LRBA: variants seen among roughly 807,000 people sequenced by gnomAD.
The protein encoded by LRBA is LPS responsive beige-like anchor protein.
In LRBA, 176 loss-of-function variants were observed where a neutral mutation model predicts 330.0. The ratio of observed to expected loss-of-function variants is 0.53; its 90% CI spans 0.47 to 0.60. LRBA has a LOEUF of 0.60. LRBA is among the 20% of genes least tolerant of loss of function. The pLI, the probability that LRBA is intolerant of heterozygous loss-of-function variation, is 0.00. For missense variants in LRBA, 3,259 were observed against 3,444.8 expected (o/e 0.95, Z 1.35); for synonymous variants, 1,230 against 1,193.0 (o/e 1.03, Z -0.64).
At chr4:150,512,629 AC>A (rs1206563940) in intron 40 of LRBA, among the ~76,000 whole-genome samples, 1 of 151,674 alleles carries the variant, frequency 6.6e-6, no homozygotes, top group African/African-American at 2.4e-5. Flanking sequence ...AGCCTCCAGA[AC>A]TGTGAGAAAT....
Position 150,921,287 on chromosome 4 carries a change from G to C in LRBA, c.556C>G (p.His186Asp). ...AACACAGACAGCAACTTCCCAGCAT[G>C]TGGAGGCTATGAAGATAATTAACAA... ...LQGDKGRWPP[H>D]AGKLLSVLKH... The change falls in exon 5 of 57, where the codon CAT (histidine) becomes GAT (aspartate). Residue 186 changes from histidine (H) to aspartate (D), a missense_variant. Coordinates refer to ENST00000651943, the MANE Select transcript of LRBA (RefSeq NM_001364905.1). 6.3e-7 allele frequency: 1 copy of C among 1,598,164 alleles called. No individual in the cohort carries two copies. The highest frequency in any genetic ancestry group is 1.1e-5 in the South Asian group (1 of 90,726).
At chr4:150,575,553 C>T (rs1023133198) in intron 40 of LRBA, among the ~76,000 whole-genome samples, 1 of 151,844 alleles carries the variant, frequency 6.6e-6, no homozygotes, top group East Asian at 1.9e-4. Flanking sequence ...CCTACCCATA[C>T]GATATGCTTA....
At chr4:150,327,000 A>T (rs1380024424) in intron 48 of LRBA, among the ~76,000 whole-genome samples, 1 of 152,212 alleles carries the variant, frequency 6.6e-6, no homozygotes, top group East Asian at 1.9e-4. Flanking sequence ...AAACATCAAG[A>T]ACAAGCTTGA....
intron 34 of LRBA, among the ~76,000 whole-genome samples, chr4:150,765,453 C>A (rs1037447320): frequency 6.6e-6 from 1 of 152,224 alleles, no homozygotes; most frequent in African/African-American, 2.4e-5. Flanking sequence ...TTATAACACA[C>A]ATGCCAGTCT....
Position 150,743,722 on chromosome 4 carries a change from G to A in LRBA, c.5646-8356C>T, listed in dbSNP as rs77310642. The stretch of plus-strand genomic sequence containing the variant: ...TGACCAGTTGTGAAAAAGACCATGT[G>A]TACTGCAAGGCCTAAAGAACTATCT... On this transcript the variant is annotated intron_variant, in intron 35 of 56. Transcript: ENST00000651943. Among the ~76,000 whole-genome samples the A allele has an allele frequency of 4.6e-3, 697 of 152,246 alleles. 6 individuals carry two copies. The highest frequency in any genetic ancestry group is 0.016 in the African/African-American group (666 of 41,542).
chr4:150,328,798 G>T (rs1470347275), intron 48 of LRBA, among the ~76,000 whole-genome samples: 2 of 152,236 alleles, frequency 1.3e-5, no homozygotes, highest in Admixed American at 1.3e-4. Context: ...ATAGGATGAG[G>T]GTTTTGAAGA....
intron 35 of LRBA, among the ~76,000 whole-genome samples, chr4:150,752,426 T>C (rs1733683297): frequency 6.6e-6 from 1 of 152,052 alleles, no homozygotes; most frequent in Non-Finnish European, 1.5e-5. Flanking sequence ...AGAATACACA[T>C]GCCTGGAACC....
intron 2 of LRBA, among the ~76,000 whole-genome samples, chr4:150,960,744 TAC>T (rs1738049498): frequency 6.7e-6 from 1 of 149,178 alleles, no homozygotes; most frequent in African/African-American, 2.6e-5. Flanking sequence ...TTTCAATAGT[TAC>T]AGTTTTACAA....
chr4:150,934,053 C>A (rs1734800974), intron 2 of LRBA, among the ~76,000 whole-genome samples: 1 of 151,756 alleles, frequency 6.6e-6, no homozygotes, highest in Admixed American at 6.6e-5. Flanking sequence ...CACAAAACAC[C>A]ACTGATGTGA....
Position 150,883,225 on chromosome 4 carries a change from C to A in LRBA, c.2165+9827G>T, listed in dbSNP as rs566725027. Among the ~76,000 whole-genome samples, 10 of 152,178 alleles carry A rather than the reference C, an allele frequency of 6.6e-5. No homozygotes were observed. In the East Asian group the frequency reaches 1.9e-3, roughly 29 times the overall value. ...CATGTAATCCCAGCACTTTGGGAGG[C>A]CAAGATGGGCAGATCACTTGAGGTC... On this transcript the variant is annotated intron_variant, in intron 17 of 56. Coordinates refer to ENST00000651943, the MANE Select transcript of LRBA (RefSeq NM_001364905.1).
intron 37 of LRBA, among the ~76,000 whole-genome samples, chr4:150,646,686 CAGA>C (rs1475878203): frequency 6.6e-6 from 1 of 151,880 alleles, no homozygotes; most frequent in Non-Finnish European, 1.5e-5. Context: ...AAAGTGTTAG[CAGA>C]AGGAGAAAAT....
intron 37 of LRBA, 48 bp from the exon 38 acceptor site, chr4:150,599,179 G>A (rs201168623): frequency 7.4e-5 from 118 of 1,599,054 alleles, no homozygotes; most frequent in Non-Finnish European, 9.3e-5. Context: ...ATCAAACAGC[G>A]TGGTAGCACT....
At chr4:151,000,461 C>T (rs1469770037) in intron 2 of LRBA, among the ~76,000 whole-genome samples, 1 of 152,164 alleles carries the variant, frequency 6.6e-6, no homozygotes, top group Non-Finnish European at 1.5e-5. Context: ...TTGCCAACAT[C>T]ACTACTCTTG....
intron 37 of LRBA, among the ~76,000 whole-genome samples, chr4:150,654,499 T>C (rs962077478): frequency 1.1e-4 from 17 of 152,202 alleles, no homozygotes; most frequent in Non-Finnish European, 2.4e-4. Context: ...AAGAAGTCTA[T>C]TTTCAATTCC....
chr4:150,942,233 G>C lies in LRBA; in HGVS notation c.217-13168C>G, dbSNP rs539361644. ...TATGGGTTGGGTAGACAAAATTTCA[G>C]CTCACTCTGGTTTTCCCCTGTCCCT... On this transcript the variant is annotated intron_variant, in intron 2 of 56. Transcript: ENST00000651943. Among the ~76,000 whole-genome samples, 4 of 152,208 alleles carry C rather than the reference G, an allele frequency of 2.6e-5. No homozygotes were observed. In the South Asian group the frequency reaches 8.3e-4, roughly 32 times the overall value.
chr4:150,423,449 A>G, intron 46 of LRBA: 1 of 595,292 alleles, frequency 1.7e-6, no homozygotes. Flanking sequence ...AGCTGTTGCC[A>G]GCGGGCCCCA....
intron 40 of LRBA, among the ~76,000 whole-genome samples, chr4:150,531,374 C>T (rs1764036987): frequency 6.6e-6 from 1 of 152,134 alleles, no homozygotes; most frequent in Non-Finnish European, 1.5e-5. Context: ...TTTACTGTTC[C>T]CTCTGCCTAG....
intron 52 of LRBA, among the ~76,000 whole-genome samples, chr4:150,304,300 A>T (rs2126855642): frequency 6.6e-6 from 1 of 152,252 alleles, no homozygotes; most frequent in South Asian, 2.1e-4. Context: ...TTAAATTTTT[A>T]AAATTCTTGA....
At chr4:150,726,988 A>T (rs1299339040) in intron 36 of LRBA, among the ~76,000 whole-genome samples, 1 of 151,494 alleles carries the variant, frequency 6.6e-6, no homozygotes, top group African/African-American at 2.4e-5. Context: ...ACAAAAAAAA[A>T]AAAATCAAAA....
Sources: gnomAD v4.1 joint callset for allele counts (sites outside exome capture counted in the v4.1 genomes callset) on GRCh38, gnomAD v4.1.1 for gene constraint, MANE v1.5 for transcripts, NCBI Gene and HGNC (gene_info 2026-07-23, HGNC 2026-07-21) for gene names.